GAD2: variants seen among roughly 807,000 people sequenced by gnomAD.
GAD2 encodes the protein glutamate decarboxylase 2, also known as 65 kDa glutamic acid decarboxylase.
GAD2 carries 22 observed loss-of-function variants against 80.1 expected under a neutral mutation model. That is an observed-to-expected ratio of 0.27 (90% CI 0.20 to 0.39). The LOEUF (loss-of-function observed/expected upper bound fraction) is 0.39. Among genes scored for constraint, GAD2 ranks in the 10% least tolerant of loss-of-function variants. GAD2 has a pLI of 1.00. For missense variants in GAD2, 624 were observed against 738.4 expected (o/e 0.85, Z 1.80); for synonymous variants, 274 against 256.9 (o/e 1.07, Z -0.64).
intron 4 of GAD2, among the ~76,000 whole-genome samples, chr10:26,220,593 G>A (rs1329177492): frequency 6.6e-6 from 1 of 152,090 alleles, no homozygotes; most frequent in Non-Finnish European, 1.5e-5. Context: ...TTTATACCAG[G>A]CATTAAAAAT....
intron 15 of GAD2, 136 bp downstream of exon 15, chr10:26,293,127 CAGAGCCAGGACATAT>C: frequency 1.6e-6 from 1 of 630,772 alleles, no homozygotes. Context: ...TGGACTCCTA[CAGAGCCAGGACATAT>C]AGAGCCTGAT....
At chr10:26,256,260 A>G (rs113082504) in intron 8 of GAD2, among the ~76,000 whole-genome samples, 1 of 151,208 alleles carries the variant, frequency 6.6e-6, no homozygotes, top group Non-Finnish European at 1.5e-5. Flanking sequence ...ATATATATAT[A>G]TAGAGAGAGA....
Position 26,216,951 on chromosome 10 carries a change from G to T in GAD2, c.76+66G>T. On this transcript the variant is annotated intron_variant, in intron 1 of 15. Coordinates refer to ENST00000376261, the MANE Select transcript of GAD2 (RefSeq NM_001134366.2). This position sits in a 1 kb window ranked among gnomAD's most constrained non-coding sequence, Gnocchi z 4.7. ...GGTGGTCTGGGGTTTGCGGAACTAC[G>T]GAGAAGACGAAGGAGGTTTTTCCAC... 1 of 1,398,400 alleles carries T rather than the reference G, an allele frequency of 7.2e-7. No homozygotes were observed. Among genetic ancestry groups the T allele is most frequent in the Non-Finnish European group, 1.0e-6 (1 of 1,001,600 alleles). 86.6% of individuals were successfully genotyped at this position (1,398,400 alleles called of 1,614,324 possible).
At chr10:26,239,572 A>G (rs1844715902) in intron 7 of GAD2, among the ~76,000 whole-genome samples, 1 of 152,232 alleles carries the variant, frequency 6.6e-6, no homozygotes, top group South Asian at 2.1e-4. Flanking sequence ...ATTATACGCT[A>G]TGACAAAGTC....
At chr10:26,224,960 C>G (rs1844502590) in intron 6 of GAD2, among the ~76,000 whole-genome samples, 1 of 152,170 alleles carries the variant, frequency 6.6e-6, no homozygotes, top group African/African-American at 2.4e-5. Flanking sequence ...AATCAAGATT[C>G]CTAATCAGGA....
At position 26,270,747 on chromosome 10, in the gene GAD2, G is replaced by A. The variant is rs1845126790; in HGVS notation, c.1083G>A (p.Met361Ile). The A allele has an allele frequency of 6.2e-7, 1 of 1,602,140 alleles. No homozygotes were observed. The highest frequency in any genetic ancestry group is 8.6e-7 in the Non-Finnish European group (1 of 1,169,028). Residue 361 changes from methionine to isoleucine, a missense_variant, in exon 10 of 16, where the codon ATG becomes ATA. Coordinates refer to ENST00000376261, the MANE Select transcript of GAD2 (RefSeq NM_001134366.2). Reference sequence around the variant, plus strand: ...TTTGCAAAAAGTATAAGATCTGGATGCATGTGGATGTAAGTATCCCTTAGG... The same window carrying A: ...TTTGCAAAAAGTATAAGATCTGGATACATGTGGATGTAAGTATCCCTTAGG... ...ADICKKYKIW[M>I]HVDAAWGGGL... is the part of the protein sequence containing the mutation.
intron 13 of GAD2, among the ~76,000 whole-genome samples, chr10:26,287,044 C>T (rs934288198): frequency 2.0e-5 from 3 of 152,140 alleles, no homozygotes; most frequent in African/African-American, 7.2e-5. Context: ...TAGGTGATCC[C>T]TCCTTTTTTC....
chr10:26,300,943 C>A lies in GAD2; in HGVS notation c.1740C>A (p.Arg580=). 6.2e-7 allele frequency: 1 copy of A among 1,613,736 alleles called. No homozygotes were observed. Among genetic ancestry groups the A allele is most frequent in the Non-Finnish European group, 8.5e-7 (1 of 1,179,754 alleles). ...ACTTCCTGATTGAAGAAATAGAACG[C>A]CTTGGACAAGATTTATAATAACCTT... is the stretch of plus-strand genomic sequence containing the variant. ...DIDFLIEEIE[R]LGQDL Residue 580 remains arginine (R), a synonymous_variant, in exon 16 of 16, where the codon CGC becomes CGA. Transcript: ENST00000376261.
chr10:26,217,820 C>G lies in GAD2; in HGVS notation c.137-22C>G, dbSNP rs1236158819. 4 of 1,589,782 alleles carry G rather than the reference C, an allele frequency of 2.5e-6. No individual in the cohort carries two copies. The highest frequency in any genetic ancestry group is 3.5e-5 in the Admixed American group (2 of 56,638). On this transcript the variant is annotated intron_variant, in intron 2 of 15. Transcript: ENST00000376261. This position sits in a 1 kb window ranked among gnomAD's most constrained non-coding sequence, Gnocchi z 4.9. ...GGCCCGGCGGAGGATTGACGAGGCC[C>G]GCGTTCGGTGTCCTTACCCAGCCCT...
chr10:26,289,765 T>C (rs1182043689), intron 13 of GAD2, among the ~76,000 whole-genome samples: 2 of 150,538 alleles, frequency 1.3e-5, no homozygotes, highest in Non-Finnish European at 3.0e-5. Context: ...AATAAGTAAA[T>C]AAACTTAAAA....
At chr10:26,251,371 A>G (rs560079550) in intron 8 of GAD2, among the ~76,000 whole-genome samples, 2 of 152,244 alleles carry the variant, frequency 1.3e-5, no homozygotes, top group African/African-American at 4.8e-5. Context: ...TTAAATTCCA[A>G]TCTCAGCTCC....
At chr10:26,247,631 C>T (rs916859737) in intron 8 of GAD2, among the ~76,000 whole-genome samples, 18 of 151,958 alleles carry the variant, frequency 1.2e-4, no homozygotes, top group Admixed American at 1.2e-3. Flanking sequence ...GGCAGTGGCT[C>T]ACGTCTGTAA....
chr10:26,244,281 T>G (rs543204160), intron 7 of GAD2, among the ~76,000 whole-genome samples: 1 of 151,622 alleles, frequency 6.6e-6, no homozygotes, highest in African/African-American at 2.4e-5. Context: ...CCACTGAGAG[T>G]GGGAATGTAA....
intron 8 of GAD2, among the ~76,000 whole-genome samples, chr10:26,257,461 C>T (rs1435079698): frequency 6.6e-6 from 1 of 152,206 alleles, no homozygotes; most frequent in Non-Finnish European, 1.5e-5. Flanking sequence ...CTCCTCCCCT[C>T]AGGGTACCCC....
chr10:26,295,670 G>C (rs1834266569), intron 15 of GAD2, among the ~76,000 whole-genome samples: 1 of 151,982 alleles, frequency 6.6e-6, no homozygotes, highest in South Asian at 2.1e-4. Context: ...CCAAAAATTT[G>C]GTTCTTCAAT....
chr10:26,231,572 T>A (rs1321553901), intron 7 of GAD2, among the ~76,000 whole-genome samples: 1 of 152,228 alleles, frequency 6.6e-6, no homozygotes, highest in East Asian at 1.9e-4. Flanking sequence ...AGGGGTCACA[T>A]TGGGCAAAAA....
chr10:26,244,884 G>T (rs1844785601), intron 7 of GAD2, among the ~76,000 whole-genome samples: 2 of 152,212 alleles, frequency 1.3e-5, no homozygotes, highest in Admixed American at 1.3e-4. Flanking sequence ...GGGCACAGTG[G>T]CTCATGCCTG....
intron 10 of GAD2, 45 bp downstream of exon 10, chr10:26,270,801 T>C (rs940192926): frequency 1.3e-5 from 16 of 1,219,406 alleles, no homozygotes; most frequent in Non-Finnish European, 1.9e-5. Context: ...CCTTGCACGT[T>C]TTTCATGTGG....
intron 8 of GAD2, among the ~76,000 whole-genome samples, chr10:26,258,769 C>T (rs556104981): frequency 1.7e-5 from 2 of 120,502 alleles, no homozygotes; most frequent in South Asian, 5.2e-4. Context: ...TTTTGTTTAT[C>T]CGTTCATCCA....
Sources: gnomAD v4.1 joint callset for allele counts (sites outside exome capture counted in the v4.1 genomes callset) on GRCh38, gnomAD v4.1.1 for gene constraint, Gnocchi (gnomAD v3.1) non-coding constraint, MANE v1.5 for transcripts, NCBI Gene and HGNC (gene_info 2026-07-23, HGNC 2026-07-21) for gene names.